Variants in ARFIP1 observed in about 807,000 individuals in gnomAD.
ARFIP1 encodes arfaptin-1.
Under a neutral mutation model 42.5 loss-of-function variants are expected in ARFIP1, and 24 were observed. That is an observed-to-expected ratio of 0.57 (90% confidence interval 0.41 to 0.80). The LOEUF (loss-of-function observed/expected upper bound fraction) is 0.80. ARFIP1 is among the 30% of genes least tolerant of loss of function. The pLI, the probability that ARFIP1 is intolerant of heterozygous loss-of-function variation, is 0.00. For synonymous variants in ARFIP1, 141 were observed against 153.7 expected (o/e 0.92, Z 0.61); for missense variants, 354 against 434.0 (o/e 0.82, Z 1.64).
chr4:152,801,699 A>C (rs1382330429), intron 1 of ARFIP1, among the ~76,000 whole-genome samples: 3 of 152,200 alleles, frequency 2.0e-5, no homozygotes, highest in African/African-American at 4.8e-5. Flanking sequence ...GTTTTAGAAA[A>C]GTACATTTAG....
Position 152,888,139 on chromosome 4 carries a change from A to C in ARFIP1, c.798A>C (p.Glu266Asp), listed in dbSNP as rs1231547558. ...CTTACTCTCTTCTTTCCAGGATTGAATATGATGCATATCGCACTGATTTGG... is the reference window on the plus strand; with the variant it reads ...CTTACTCTCTTCTTTCCAGGATTGACTATGATGCATATCGCACTGATTTGG... ...TVKQYESARI[E>D]YDAYRTDLEE... is the part of the protein sequence containing the mutation. Residue 266 changes from glutamate (E) to aspartate (D), a missense_variant, in exon 8 of 9, where the codon GAA becomes GAC. Physicochemically the swap from Glu to Asp is conservative, Grantham distance 45 (BLOSUM62 2). Transcript: ENST00000353617. 1.9e-6 allele frequency: 3 copies of C among 1,600,646 alleles called. No individual in the cohort carries two copies.
intron 2 of ARFIP1, chr4:152,850,764 G>A (rs1191100131): frequency 6.6e-6 from 1 of 152,186 alleles, no homozygotes; most frequent in African/African-American, 2.4e-5. Flanking sequence ...CCAATAGAGA[G>A]TTTAGAAAAT....
chr4:152,895,323 A>C (rs1737217813), intron 8 of ARFIP1, among the ~76,000 whole-genome samples: 1 of 152,184 alleles, frequency 6.6e-6, no homozygotes. Flanking sequence ...ACTGATGCAT[A>C]ATTAGCACCT....
At chr4:152,803,594 C>T (rs940320685) in intron 1 of ARFIP1, among the ~76,000 whole-genome samples, 5 of 152,100 alleles carry the variant, frequency 3.3e-5, no homozygotes, top group Non-Finnish European at 7.4e-5. Flanking sequence ...ACTGAGCTGT[C>T]ATGATCAATG....
chr4:152,821,403 C>CA (rs1225091518), intron 1 of ARFIP1, among the ~76,000 whole-genome samples: 2 of 152,048 alleles, frequency 1.3e-5, no homozygotes, highest in African/African-American at 4.8e-5. Flanking sequence ...TTTCAGAACT[C>CA]AAAGACAAGA....
At position 152,804,118 on chromosome 4, in the gene ARFIP1, GTATTATA is replaced by G. The variant is rs1304266009; in HGVS notation, c.-10+23903_-10+23909del. Among the ~76,000 whole-genome samples the G allele has an allele frequency of 7.6e-3, 839 of 110,064 alleles. 1 individual carries two copies. Among genetic ancestry groups the G allele is most frequent in the Non-Finnish European group, 0.013 (714 of 57,034 alleles). 72.2% of individuals were successfully genotyped at this position (110,064 alleles called of 152,430 possible). ...ATATATATTATATATAATATAACAT[GTATTATA>G]TATTATATATAATATAACATGTATT... On this transcript the variant is annotated intron_variant, in intron 1 of 8. Coordinates refer to ENST00000353617, the MANE Select transcript of ARFIP1 (RefSeq NM_001025595.3).
chr4:152,884,250 G>A (rs372975589), intron 7 of ARFIP1, among the ~76,000 whole-genome samples: 14 of 151,882 alleles, frequency 9.2e-5, no homozygotes, highest in Admixed American at 2.0e-4. Flanking sequence ...ATAGCCTTCC[G>A]TGGAAATCTC....
intron 1 of ARFIP1, among the ~76,000 whole-genome samples, chr4:152,822,940 TA>T (rs541156426): frequency 4.1e-4 from 62 of 151,904 alleles, no homozygotes; most frequent in African/African-American, 1.3e-3. Flanking sequence ...AACACCTACA[TA>T]AAAAAATATG....
intron 3 of ARFIP1, among the ~76,000 whole-genome samples, chr4:152,864,183 C>A (rs529668653): frequency 6.6e-6 from 1 of 152,216 alleles, no homozygotes; most frequent in South Asian, 2.1e-4. Flanking sequence ...CCCTTCTCTC[C>A]ATACTTTTGA....
intron 1 of ARFIP1, among the ~76,000 whole-genome samples, chr4:152,804,164 A>AATATAAGATGTATTATATATT (rs1728706160): frequency 8.6e-6 from 1 of 116,282 alleles, no homozygotes; most frequent in Non-Finnish European, 1.7e-5. Context: ...TATTATATAT[A>AATATAAGATGTATTATATATT]ATATAACATG....
intron 1 of ARFIP1, among the ~76,000 whole-genome samples, chr4:152,800,619 T>G (rs1018902318): frequency 6.6e-6 from 1 of 152,136 alleles, no homozygotes; most frequent in South Asian, 2.1e-4. Context: ...TATCCTGAGA[T>G]TGTAGTCTTA....
chr4:152,885,000 T>G (rs1343717547), intron 7 of ARFIP1, among the ~76,000 whole-genome samples: 1 of 152,102 alleles, frequency 6.6e-6, no homozygotes, highest in African/African-American at 2.4e-5. Flanking sequence ...GTTTTTGTTT[T>G]ATGTCATCCC....
intron 8 of ARFIP1, among the ~76,000 whole-genome samples, chr4:152,889,534 TAC>T (rs199743290): frequency 0.17 from 7,809 of 45,644 alleles, 1,162 homozygotes; most frequent in South Asian, 0.29. Context: ...TATATATATA[TAC>T]ACCTATTTTT....
chr4:152,863,407 C>T (rs1289278666), intron 2 of ARFIP1, among the ~76,000 whole-genome samples, 199 bp from the exon 3 acceptor site: 1 of 152,124 alleles, frequency 6.6e-6, no homozygotes, highest in Non-Finnish European at 1.5e-5. Context: ...GTGATGTACA[C>T]AATACCACTT....
chr4:152,794,974 A>T (rs554342669), intron 1 of ARFIP1, among the ~76,000 whole-genome samples: 1 of 152,238 alleles, frequency 6.6e-6, no homozygotes, highest in African/African-American at 2.4e-5. Flanking sequence ...CCATGTCAGC[A>T]TGTGGAAATT....
At chr4:152,843,800 C>CA (rs946393257) in intron 2 of ARFIP1, among the ~76,000 whole-genome samples, 1 of 152,146 alleles carries the variant, frequency 6.6e-6, no homozygotes, top group Non-Finnish European at 1.5e-5. Context: ...TGTTTCAAGG[C>CA]AGAGAGCGTG....
chr4:152,895,701 C>A (rs1432390809), intron 8 of ARFIP1, among the ~76,000 whole-genome samples: 1 of 151,714 alleles, frequency 6.6e-6, no homozygotes, highest in South Asian at 2.1e-4. Context: ...GATGGGATGA[C>A]AGGCATGTGC....
intron 2 of ARFIP1, among the ~76,000 whole-genome samples, chr4:152,859,451 A>T (rs1396491080): frequency 2.0e-5 from 3 of 152,206 alleles, no homozygotes; most frequent in Non-Finnish European, 2.9e-5. Context: ...AGAATTCCTC[A>T]GATGCCTCAT....
At chr4:152,866,279 G>A (rs1028691471) in intron 3 of ARFIP1, among the ~76,000 whole-genome samples, 1 of 152,238 alleles carries the variant, frequency 6.6e-6, no homozygotes, top group Non-Finnish European at 1.5e-5. Flanking sequence ...TTTCTACACA[G>A]ACACAGCAAC....
Sources: allele counts gnomAD v4.1 joint callset (sites outside exome capture counted in the v4.1 genomes callset), GRCh38; gene constraint gnomAD v4.1.1; transcripts MANE v1.5; gene names NCBI Gene and HGNC (gene_info 2026-07-23, HGNC 2026-07-21).